The following PPP6R2 variants were observed in gnomAD, a reference collection of about 807,000 sequenced individuals.
PPP6R2 encodes the protein protein phosphatase 6 regulatory subunit 2.
In PPP6R2, 62 loss-of-function variants were observed where a neutral mutation model predicts 100.2. The ratio of observed to expected loss-of-function variants is 0.62; its 90% confidence interval spans 0.50 to 0.76. PPP6R2 has a LOEUF of 0.76. PPP6R2 is among the 30% of genes least tolerant of loss of function. The probability of loss-of-function intolerance (pLI) is 0.00; values close to 1 mark genes in which losing one functional copy is unlikely to be tolerated. For missense variants in PPP6R2, 1,142 were observed against 1,276.3 expected (o/e 0.89, Z 1.60); for synonymous variants, 525 against 514.7 (o/e 1.02, Z -0.27).
Position 50,439,808 on chromosome 22 carries a change from C to T in PPP6R2, c.2236C>T (p.Pro746Ser). ...TGTGTGGGCAGCTGGCACCTCAGCTCCAGAGGAGAAAGGCTGGGCCAAGTT... is the reference window on the plus strand; with the variant it reads ...TGTGTGGGCAGCTGGCACCTCAGCTTCAGAGGAGAAAGGCTGGGCCAAGTT... ...SSVWAAGTSA[P>S]EEKGWAKFTD... The change falls in exon 20 of 24, where the codon CCA becomes TCA. Residue 746 changes from proline (P) to serine (S), a missense_variant. Pro to Ser is a moderately conservative substitution (Grantham distance 74, BLOSUM62 -1). Coordinates refer to ENST00000612753, the MANE Select transcript of PPP6R2 (RefSeq NM_001242898.2). The T allele has an allele frequency of 1.2e-6, 2 of 1,613,864 alleles. No homozygotes were observed. Among genetic ancestry groups the T allele is most frequent in the South Asian group, 1.1e-5 (1 of 91,078 alleles).
intron 1 of PPP6R2, among the ~76,000 whole-genome samples, chr22:50,346,361 C>T (rs1351356923): frequency 3.5e-5 from 1 of 28,328 alleles, no homozygotes; most frequent in Non-Finnish European, 7.0e-5. Flanking sequence ...TCAGTTCCCC[C>T]GTCAGTGCCC....
chr22:50,433,102 G>A (rs1369284857), intron 12 of PPP6R2, among the ~76,000 whole-genome samples: 1 of 152,286 alleles, frequency 6.6e-6, no homozygotes, highest in Non-Finnish European at 1.5e-5. Flanking sequence ...TTGGTAGTGA[G>A]GTTGGGGTGA....
chr22:50,354,919 G>C (rs1048771430), intron 1 of PPP6R2, among the ~76,000 whole-genome samples: 2 of 142,018 alleles, frequency 1.4e-5, no homozygotes, highest in African/African-American at 5.2e-5. Context: ...CCTAGGTTGA[G>C]TGCAGTGGCA....
At position 50,439,872 on chromosome 22, in the gene PPP6R2, G is replaced by A; in HGVS notation, c.2285+15G>A. The A allele has an allele frequency of 6.2e-7, 1 of 1,609,806 alleles. No homozygotes were observed. Among genetic ancestry groups the A allele is most frequent in the South Asian group, 1.1e-5 (1 of 90,756 alleles). On this transcript the variant is annotated intron_variant, in intron 20 of 23. Coordinates refer to ENST00000612753, the MANE Select transcript of PPP6R2 (RefSeq NM_001242898.2). Reference sequence around the variant, plus strand: ...CCTTTCTGCTGGTAACAAATGCGCTGGCAGGAGGGGGCTGTGCCAGGAAGT... The same window carrying A: ...CCTTTCTGCTGGTAACAAATGCGCTAGCAGGAGGGGGCTGTGCCAGGAAGT...
At chr22:50,437,176 G>A in intron 15 of PPP6R2, 108 bp downstream of exon 15, 2 of 1,140,092 alleles carry the variant, frequency 1.8e-6, no homozygotes, top group South Asian at 1.3e-5. Context: ...GCAAAGGGGA[G>A]CGGGGGCTCG....
chr22:50,371,039 T>C (rs1314863820), intron 1 of PPP6R2, among the ~76,000 whole-genome samples: 1 of 152,158 alleles, frequency 6.6e-6, no homozygotes, highest in Non-Finnish European at 1.5e-5. Flanking sequence ...TGACAGTGGG[T>C]TCAAGAGCTA....
chr22:50,404,979 C>T (rs1425267627), intron 3 of PPP6R2, among the ~76,000 whole-genome samples: 5 of 152,232 alleles, frequency 3.3e-5, no homozygotes, highest in Non-Finnish European at 5.9e-5. Context: ...CTGTCACCCA[C>T]CTCTGTCTAC....
intron 2 of PPP6R2, among the ~76,000 whole-genome samples, chr22:50,372,929 C>T (rs12158541): frequency 0.28 from 42,679 of 151,908 alleles, 6,186 homozygotes; most frequent in South Asian, 0.42. Flanking sequence ...CCTTGTGATC[C>T]GCCCGCCTCG....
At chr22:50,403,442 C>G (rs147188779) in intron 3 of PPP6R2, among the ~76,000 whole-genome samples, 1 of 152,328 alleles carries the variant, frequency 6.6e-6, no homozygotes, top group Admixed American at 6.5e-5. Flanking sequence ...GTCCTCCTGC[C>G]CTGAGGGACC....
chr22:50,437,496 T>TCCCTCCCA lies in PPP6R2; in HGVS notation c.1684-9_1684-2dup. The TCCCTCCCA allele has an allele frequency of 3.4e-6, 1 of 292,916 alleles. No individual in the cohort carries two copies. The highest frequency in any genetic ancestry group is 6.8e-6 in the Non-Finnish European group (1 of 146,348). The allele number at this position is 292,916 out of a possible 1,614,324, so 18.1% of individuals were successfully genotyped here. A position where few individuals can be genotyped will look rare whatever the true frequency, so the allele number is the denominator to read the frequency against. ...GTCTGTCCGTCCCTCCCTCCCTCCC[T>TCCCTCCCA]CCCTCCCAGGCCTTCTCTGACTACC... is the stretch of plus-strand genomic sequence containing the variant. On this transcript the variant is annotated splice_polypyrimidine_tract_variant and intron_variant, in intron 15 of 23. Coordinates refer to ENST00000612753, the MANE Select transcript of PPP6R2 (RefSeq NM_001242898.2).
At chr22:50,341,508 G>A (rs913531128), upstream of PPP6R2, among the ~76,000 whole-genome samples, 5 of 152,126 alleles carry the variant, frequency 3.3e-5, no homozygotes, top group African/African-American at 9.7e-5. Context: ...CCAGGCAATC[G>A]GATCTGTTTT....
intron 3 of PPP6R2, 55 bp downstream of exon 3, chr22:50,394,190 G>T: frequency 6.3e-7 from 1 of 1,595,910 alleles, no homozygotes; most frequent in Non-Finnish European, 8.6e-7. Context: ...CAGGCAGGCC[G>T]CAGGCAGTGT....
At chr22:50,377,118 G>T (rs752215264) in intron 2 of PPP6R2, among the ~76,000 whole-genome samples, 4 of 152,100 alleles carry the variant, frequency 2.6e-5, no homozygotes, top group South Asian at 2.1e-4. Context: ...TTTGAAAAAG[G>T]ACCATGTAGA....
rs141219176 is a variant in PPP6R2, at chr22:50,406,822, G to A, written c.361G>A (p.Ala121Thr). The A allele has an allele frequency of 5.6e-4, 899 of 1,613,952 alleles. 1 individual carries two copies. Among genetic ancestry groups the A allele is most frequent in the Non-Finnish European group, 6.9e-4 (811 of 1,179,988 alleles). ...DHEPPLNPLL[A>T]SFFSKTIGNL... ...TGAGCCGCCTCTCAATCCTCTGCTC[G>A]CCAGTTTTTTCAGCAAGACCATTGG... The change falls in exon 4 of 24, where the codon GCC becomes ACC. Residue 121 changes from alanine (A) to threonine (T), a missense_variant. Physicochemically the swap from Ala to Thr is moderately conservative, Grantham distance 58. Around this residue, in one of 2 missense-constraint regions of PPP6R2, gnomAD observed 592 missense variants for 758.9 expected, o/e 0.78. Coordinates refer to ENST00000612753, the MANE Select transcript of PPP6R2 (RefSeq NM_001242898.2).
the PPP6R2 span, among the ~76,000 whole-genome samples, chr22:50,338,087 AGT>A: frequency 5.5e-3 from 363 of 65,962 alleles, 6 homozygotes; most frequent in East Asian, 0.018. Context: ...TGTGATGTGT[AGT>A]GTGTGTGGTG....
At chr22:50,349,608 C>T (rs896206972) in intron 1 of PPP6R2, among the ~76,000 whole-genome samples, 2 of 152,094 alleles carry the variant, frequency 1.3e-5, no homozygotes, top group Middle Eastern at 3.4e-3. Flanking sequence ...GGTGGATCAC[C>T]TGAGGTCAGG....
chr22:50,382,794 T>C (rs1189688531), intron 2 of PPP6R2, among the ~76,000 whole-genome samples: 1 of 151,858 alleles, frequency 6.6e-6, no homozygotes, highest in Non-Finnish European at 1.5e-5. Context: ...AAACCCGAGA[T>C]TGTCAGTGAG....
intron 22 of PPP6R2, among the ~76,000 whole-genome samples, chr22:50,441,243 T>G (rs2065525524): frequency 6.6e-6 from 1 of 152,198 alleles, no homozygotes; most frequent in Admixed American, 6.5e-5. Context: ...GTGTGGGGCC[T>G]TCTTTCGTGG....
chr22:50,382,090 C>T (rs1448173236), intron 2 of PPP6R2, among the ~76,000 whole-genome samples: 1 of 151,962 alleles, frequency 6.6e-6, no homozygotes, highest in Non-Finnish European at 1.5e-5. Context: ...AGACAGGGTG[C>T]ATGCTTTTAC....
Sources: allele counts gnomAD v4.1 joint callset (sites outside exome capture counted in the v4.1 genomes callset), GRCh38; gene constraint gnomAD v4.1.1; regional missense constraint gnomAD v4.1.1; transcripts MANE v1.5; gene names NCBI Gene and HGNC (gene_info 2026-07-23, HGNC 2026-07-21).